The following HTT variants were observed in gnomAD, a reference collection of about 807,000 sequenced individuals.
HTT encodes the protein huntington disease protein.
In HTT, 104 loss-of-function variants were observed where a neutral mutation model predicts 362.3. The ratio of observed to expected loss-of-function variants is 0.29; its 90% CI spans 0.24 to 0.34. The LOEUF (loss-of-function observed/expected upper bound fraction) is 0.34, where lower values mean the gene tolerates loss of function less well. HTT is among the 10% of genes least tolerant of loss of function. The pLI is 1.00. For synonymous variants in HTT, 1,577 were observed against 1,548.7 expected, an observed-to-expected ratio of 1.02 and a Z score of -0.43; for missense variants, 3,301 against 3,928.6, an observed-to-expected ratio of 0.84 and a Z score of 4.27.
chr4:3,198,100 T>C (rs543401354), intron 40 of HTT, among the ~76,000 whole-genome samples: 4 of 152,290 alleles, frequency 2.6e-5, no homozygotes, highest in South Asian at 4.1e-4. Context: ...AGTGTGCTGC[T>C]TCTGTTAGCT....
At position 3,173,028 on chromosome 4, in the gene HTT, T is replaced by C. The variant is rs530203169; in HGVS notation, c.4063T>C (p.Tyr1355His). ...CTCCTCCAGTGTGAGGCCAGGCTTG[T>C]ACCACTACTGCTTCATGGCCCCGTA... ...LGSSSVRPGL[Y>H]HYCFMAPYTH... is the part of the protein sequence containing the mutation. The change falls in exon 31 of 67, where the codon TAC (tyrosine) becomes CAC (histidine). Residue 1355 changes from tyrosine to histidine, a missense_variant. By Grantham distance (83) the Tyr-to-His change is moderately conservative (BLOSUM62 2). Transcript: ENST00000355072. The C allele has an allele frequency of 6.2e-7, 1 of 1,614,150 alleles. No homozygotes were observed. Among genetic ancestry groups the C allele is most frequent in the African/African-American group, 1.3e-5 (1 of 75,032 alleles).
intron 21 of HTT, among the ~76,000 whole-genome samples, chr4:3,137,185 C>T (rs1330000854): frequency 1.3e-5 from 2 of 151,858 alleles, no homozygotes; most frequent in Non-Finnish European, 2.9e-5. Flanking sequence ...GGATTACAGG[C>T]GTGAGCCATG....
chr4:3,222,723 T>G (rs1720738520), intron 54 of HTT, among the ~76,000 whole-genome samples: 1 of 152,238 alleles, frequency 6.6e-6, no homozygotes, highest in African/African-American at 2.4e-5. Flanking sequence ...CATTCCATGT[T>G]AAGGATCAAT....
At chr4:3,103,282 T>C (rs1334078773) in intron 3 of HTT, among the ~76,000 whole-genome samples, 1 of 139,118 alleles carries the variant, frequency 7.2e-6, no homozygotes, top group African/African-American at 2.7e-5. Context: ...TGGAGTGCAA[T>C]GGCGTGATCT....
chr4:3,222,533 G>A (rs757782178), intron 54 of HTT, 46 bp downstream of exon 54: 10 of 1,383,492 alleles, frequency 7.2e-6, no homozygotes, highest in East Asian at 4.6e-5. Context: ...AGTTATGGCC[G>A]CTTGCAGGCC....
At chr4:3,238,205 G>C (rs996590573) in intron 64 of HTT, among the ~76,000 whole-genome samples, 1 of 152,202 alleles carries the variant, frequency 6.6e-6, no homozygotes, top group African/African-American at 2.4e-5. Context: ...GTGCCGAGCA[G>C]CCTGCCTCCA....
At chr4:3,236,527 C>T (rs1721542108) in intron 64 of HTT, among the ~76,000 whole-genome samples, 1 of 152,154 alleles carries the variant, frequency 6.6e-6, no homozygotes, top group African/African-American at 2.4e-5. Flanking sequence ...CAGTACCTGG[C>T]AGTTGGGGGT....
chr4:3,076,157 T>G (rs1390480419), intron 1 of HTT, among the ~76,000 whole-genome samples: 3 of 152,162 alleles, frequency 2.0e-5, no homozygotes, highest in Non-Finnish European at 4.4e-5. Flanking sequence ...TTTCTGTTGC[T>G]TGTTCTTGGG....
chr4:3,110,238 A>G (rs1049185300), intron 6 of HTT, among the ~76,000 whole-genome samples: 1 of 152,186 alleles, frequency 6.6e-6, no homozygotes, highest in African/African-American at 2.4e-5. Context: ...TCTTGGAGTT[A>G]ATCGTTACCT....
In HTT at chr4:3,142,748, C is replaced by G. The variant is rs763490082; in HGVS notation, c.2946-18C>G. On this transcript the variant is annotated intron_variant, in intron 22 of 66. Transcript: ENST00000355072. The stretch of plus-strand genomic sequence containing the variant: ...TGTTTTAATAGTGTATTTTAAGTCT[C>G]TATATTTTTGTTATTAGAATATATA... The G allele has an allele frequency of 7.6e-7, 1 of 1,309,202 alleles. No individual in the cohort carries two copies. The highest frequency in any genetic ancestry group is 1.1e-6 in the Non-Finnish European group (1 of 911,022). The allele number at this position is 1,309,202 out of a possible 1,614,324, so 81.1% of individuals were successfully genotyped here.
At chr4:3,183,913 T>C (rs1718640183) in intron 37 of HTT, among the ~76,000 whole-genome samples, 1 of 152,184 alleles carries the variant, frequency 6.6e-6, no homozygotes, top group Non-Finnish European at 1.5e-5. Context: ...CTAGATACTA[T>C]CCTGTTACTG....
At chr4:3,203,943 G>A in intron 41 of HTT, 64 bp from the exon 42 acceptor site, 3 of 1,511,024 alleles carry the variant, frequency 2.0e-6, no homozygotes, top group Non-Finnish European at 2.7e-6. Context: ...ATCATCTTCA[G>A]TATTTTGCAA....
chr4:3,217,651 T>A (rs1720475706), intron 51 of HTT, 114 bp from the exon 52 acceptor site: 1 of 869,164 alleles, frequency 1.2e-6, no homozygotes, highest in South Asian at 1.7e-5. Context: ...CAACTCAGAG[T>A]CTAAGTGGAT....
chr4:3,157,263 A>G lies in HTT; in HGVS notation c.3753+64A>G. On this transcript the variant is annotated intron_variant, in intron 28 of 66. Coordinates refer to ENST00000355072, the MANE Select transcript of HTT (RefSeq NM_001388492.1). Reference sequence around the variant, plus strand: ...CATACTTACGTCTAATGGATAGTTGATGTTTTTCTTATGATTTGTAGGATG... The same window carrying G: ...CATACTTACGTCTAATGGATAGTTGGTGTTTTTCTTATGATTTGTAGGATG... 3.5e-6 allele frequency: 5 copies of G among 1,447,536 alleles called. No individual in the cohort carries two copies. In the South Asian group the frequency reaches 6.2e-5, roughly 18 times the overall value. The allele number at this position is 1,447,536 out of a possible 1,614,324, so 89.7% of individuals were successfully genotyped here. A position where few individuals can be genotyped will look rare whatever the true frequency, so the allele number is the denominator to read the frequency against.
At position 3,074,706 on chromosome 4, in the gene HTT, C is replaced by G. The variant is rs1305375361; in HGVS notation, c.-120C>G. 3.7e-6 allele frequency: 4 copies of G among 1,086,230 alleles called. No individual in the cohort carries two copies. The African/African-American group carries it at 5.0e-5, about 14-fold the overall frequency. The allele number at this position is 1,086,230 out of a possible 1,614,324, so 67.3% of individuals were successfully genotyped here. A position where few individuals can be genotyped will look rare whatever the true frequency, so the allele number is the denominator to read the frequency against. ...GCTGCCGGGACGGGTCCAAGATGGA[C>G]GGCCGCTCAGGTTCTGCTTTTACCT... is the stretch of plus-strand genomic sequence containing the variant. On this transcript the variant is annotated 5_prime_UTR_variant, in exon 1 of 67. Transcript: ENST00000355072.
At chr4:3,077,232 A>G (rs1712606417) in intron 1 of HTT, among the ~76,000 whole-genome samples, 1 of 152,106 alleles carries the variant, frequency 6.6e-6, no homozygotes, top group Non-Finnish European at 1.5e-5. Context: ...TTGACATGAT[A>G]CAAATTCTGT....
In HTT at chr4:3,212,144, TAATTAA is replaced by T. The variant is rs755238260; in HGVS notation, c.6628+13_6628+18del. 1 of 1,602,264 alleles carries T rather than the reference TAATTAA, an allele frequency of 6.2e-7. No individual in the cohort carries two copies. The highest frequency in any genetic ancestry group is 8.5e-7 in the Non-Finnish European group (1 of 1,171,532). ...GGAGCAAGTTGAATGATCTGTTTGG[TAATTAA>T]AATTAAAATTTATCTTATTTTTAAA... On this transcript the variant is annotated splice_donor_5th_base_variant and intron_variant, in intron 48 of 66. Transcript: ENST00000355072.
At chr4:3,122,843 AT>A in intron 9 of HTT, 45 bp from the exon 10 acceptor site, 1 of 1,502,720 alleles carries the variant, frequency 6.7e-7, no homozygotes. Context: ...TTTCTTCTAG[AT>A]TTTATCAGCT....
At chr4:3,213,242 C>T (rs1201019931) in intron 49 of HTT, among the ~76,000 whole-genome samples, 2 of 152,202 alleles carry the variant, frequency 1.3e-5, no homozygotes, top group African/African-American at 4.8e-5. Flanking sequence ...GCATCAGTGC[C>T]ATTACTCACA....
Sources: gnomAD v4.1 joint callset for allele counts (sites outside exome capture counted in the v4.1 genomes callset) on GRCh38, gnomAD v4.1.1 for gene constraint, MANE v1.5 for transcripts, NCBI Gene and HGNC (gene_info 2026-07-23, HGNC 2026-07-21) for gene names.